Variants in ARHGAP24 observed in about 807,000 individuals in gnomAD.
ARHGAP24 encodes the protein Rho GTPase activating protein 24, also known as rho GTPase-activating protein 24.
Under a neutral mutation model 76.4 loss-of-function variants are expected in ARHGAP24, and 50 were observed. The ratio of observed to expected loss-of-function variants is 0.65; its 90% CI spans 0.52 to 0.83. ARHGAP24 has a LOEUF of 0.83. Ranked by LOEUF, ARHGAP24 falls within the 40% of genes least tolerant of loss-of-function variation. The pLI is 0.00. For synonymous variants in ARHGAP24, 345 were observed against 323.3 expected (o/e 1.07, Z -0.72); for missense variants, 930 against 914.2 (o/e 1.02, Z -0.22).
intron 3 of ARHGAP24, among the ~76,000 whole-genome samples, chr4:85,754,079 C>G (rs1358076650): frequency 3.3e-5 from 5 of 152,178 alleles, no homozygotes; most frequent in Non-Finnish European, 7.3e-5. Context: ...TCCCCACTTT[C>G]CTTCCTGGCC....
rs573365537 is a variant in ARHGAP24, at chr4:86,000,982, A to G, written c.*260A>G. 3 of 517,972 alleles carry G rather than the reference A, an allele frequency of 5.8e-6. No homozygotes were observed. Among genetic ancestry groups the G allele is most frequent in the African/African-American group, 3.8e-5 (2 of 52,794 alleles). 32.1% of individuals were successfully genotyped at this position (517,972 alleles called of 1,614,324 possible). ...CAAAAGTAAACTAAAAATGAGAAGC[A>G]TATTTCAAGAATTATTTTATTGCAA... On this transcript the variant is annotated 3_prime_UTR_variant, in exon 10 of 10. Transcript: ENST00000395184.
chr4:85,668,649 T>G (rs1366136940), intron 2 of ARHGAP24, among the ~76,000 whole-genome samples: 1 of 152,152 alleles, frequency 6.6e-6, no homozygotes, highest in African/African-American at 2.4e-5. Flanking sequence ...GAGCCTGGCT[T>G]TTTTAACATC....
chr4:85,542,232 C>T (rs1213313158), intron 1 of ARHGAP24, among the ~76,000 whole-genome samples: 3 of 152,000 alleles, frequency 2.0e-5, no homozygotes, highest in Non-Finnish European at 2.9e-5. Flanking sequence ...TCTTATGTAG[C>T]GTATAAGTAA....
At chr4:85,735,451 AT>A (rs1261918521) in intron 3 of ARHGAP24, among the ~76,000 whole-genome samples, 4 of 151,882 alleles carry the variant, frequency 2.6e-5, no homozygotes, top group Admixed American at 2.6e-4. Flanking sequence ...ATTTTTCTTT[AT>A]CCATTGATTA....
At chr4:85,848,048 C>G (rs928814762) in intron 3 of ARHGAP24, among the ~76,000 whole-genome samples, 1 of 152,068 alleles carries the variant, frequency 6.6e-6, no homozygotes, top group Non-Finnish European at 1.5e-5. Context: ...ACTTTTCTCC[C>G]CCTTTCACCA....
intron 2 of ARHGAP24, among the ~76,000 whole-genome samples, chr4:85,581,177 A>C (rs370570230): frequency 2.0e-5 from 3 of 152,144 alleles, no homozygotes; most frequent in Non-Finnish European, 4.4e-5. Context: ...ATATGATTTT[A>C]ATATTTTAAA....
At chr4:85,741,966 G>C (rs553185581) in intron 3 of ARHGAP24, among the ~76,000 whole-genome samples, 4 of 152,194 alleles carry the variant, frequency 2.6e-5, no homozygotes, top group Non-Finnish European at 5.9e-5. Flanking sequence ...TTTCCAATGA[G>C]AGGATTATGG....
chr4:85,835,555 C>CAA (rs76896754), intron 3 of ARHGAP24, among the ~76,000 whole-genome samples: 69 of 111,864 alleles, frequency 6.2e-4, no homozygotes, highest in South Asian at 3.8e-3. Flanking sequence ...GACTCCATCT[C>CAA]AAAAAAAAAA....
chr4:85,993,049 T>C lies in ARHGAP24; in HGVS notation c.929-1534T>C, dbSNP rs184160102. Among the ~76,000 whole-genome samples, 269 of 152,018 alleles carry C rather than the reference T, an allele frequency of 1.8e-3. 1 individual carries two copies. The South Asian group carries it at 0.026, about 14-fold the overall frequency. ...TTAACTTCTCTAACCCTCAATTTTCTCATCTGAAAAAAAAAATGAATCCTC... is the reference window on the plus strand; with the variant it reads ...TTAACTTCTCTAACCCTCAATTTTCCCATCTGAAAAAAAAAATGAATCCTC... On this transcript the variant is annotated intron_variant, in intron 8 of 9. Transcript: ENST00000395184.
At chr4:85,854,645 A>C (rs1162749380) in intron 3 of ARHGAP24, among the ~76,000 whole-genome samples, 1 of 151,934 alleles carries the variant, frequency 6.6e-6, no homozygotes, top group Non-Finnish European at 1.5e-5. Flanking sequence ...AGCCCAGAAG[A>C]CTCCTAACTT....
At chr4:85,610,688 A>T (rs1720353859) in intron 2 of ARHGAP24, among the ~76,000 whole-genome samples, 1 of 152,092 alleles carries the variant, frequency 6.6e-6, no homozygotes, top group South Asian at 2.1e-4. Context: ...TACCATGGTG[A>T]ACAAGTGTTT....
chr4:85,905,097 C>A (rs368346272), intron 3 of ARHGAP24, among the ~76,000 whole-genome samples: 10 of 141,456 alleles, frequency 7.1e-5, no homozygotes, highest in Admixed American at 5.8e-4. Context: ...TTTGTTTTTT[C>A]TTCCATTACA....
At chr4:85,514,758 C>T (rs1040555821) in intron 1 of ARHGAP24, among the ~76,000 whole-genome samples, 55 of 140,892 alleles carry the variant, frequency 3.9e-4, no homozygotes, top group African/African-American at 1.4e-3. Context: ...ACTTGTCCCA[C>T]TTGCCCAACT....
chr4:85,774,569 A>T (rs17010851), intron 3 of ARHGAP24, among the ~76,000 whole-genome samples: 21,697 of 152,182 alleles, frequency 0.14, 2,640 homozygotes, highest in East Asian at 0.66. Context: ...AGCTCTTAGG[A>T]CCTCTAGCAA....
chr4:85,866,381 C>A (rs1457402253), intron 3 of ARHGAP24, among the ~76,000 whole-genome samples: 1 of 152,014 alleles, frequency 6.6e-6, no homozygotes, highest in Admixed American at 6.6e-5. Flanking sequence ...CTTAAAGGGG[C>A]ATTTCCTTGG....
intron 1 of ARHGAP24, among the ~76,000 whole-genome samples, chr4:85,550,263 A>G (rs1726076846): frequency 6.6e-6 from 1 of 152,210 alleles, no homozygotes; most frequent in East Asian, 1.9e-4. Flanking sequence ...TCTTCTGCAT[A>G]TGGCTAGCCA....
At chr4:85,669,875 AAAT>A (rs976555192) in intron 2 of ARHGAP24, among the ~76,000 whole-genome samples, 7 of 151,846 alleles carry the variant, frequency 4.6e-5, no homozygotes, top group African/African-American at 1.7e-4. Flanking sequence ...AATTCAGAAA[AAAT>A]AAACCCAGCA....
At chr4:85,989,726 C>A (rs1277443301) in intron 8 of ARHGAP24, among the ~76,000 whole-genome samples, 1 of 151,526 alleles carries the variant, frequency 6.6e-6, no homozygotes, top group East Asian at 1.9e-4. Context: ...GTTGGTTAGC[C>A]AAAATCAATC....
intron 2 of ARHGAP24, among the ~76,000 whole-genome samples, chr4:85,661,391 A>C (rs1722379944): frequency 6.6e-6 from 1 of 152,134 alleles, no homozygotes; most frequent in African/African-American, 2.4e-5. Flanking sequence ...AATCTATTAC[A>C]GTTTGTTTAT....
Sources: gnomAD v4.1 joint callset for allele counts (sites outside exome capture counted in the v4.1 genomes callset) on GRCh38, gnomAD v4.1.1 for gene constraint, MANE v1.5 for transcripts, NCBI Gene and HGNC (gene_info 2026-07-23, HGNC 2026-07-21) for gene names.